Variants in MEF2A observed in about 807,000 individuals in gnomAD.
MEF2A encodes the protein myocyte enhancer factor 2A.
MEF2A carries 28 observed loss-of-function variants against 55.8 expected under a neutral mutation model. That is an observed-to-expected ratio of 0.50 (90% CI 0.37 to 0.69). MEF2A has a LOEUF of 0.69. Ranked by LOEUF, MEF2A falls within the 30% of genes least tolerant of loss-of-function variation. The pLI is 0.00. For synonymous variants in MEF2A, 239 were observed against 227.1 expected (o/e 1.05, Z -0.47); for missense variants, 528 against 626.2 (o/e 0.84, Z 1.67).
intron 2 of MEF2A, among the ~76,000 whole-genome samples, chr15:99,613,726 AT>A (rs1440497828): frequency 3.9e-5 from 6 of 152,204 alleles, no homozygotes; most frequent in Non-Finnish European, 8.8e-5. Flanking sequence ...GAACTCTTAA[AT>A]TAGCTGATAA....
intron 2 of MEF2A, among the ~76,000 whole-genome samples, chr15:99,600,887 A>T (rs1347323655): frequency 1.3e-5 from 2 of 152,024 alleles, no homozygotes; most frequent in Non-Finnish European, 2.9e-5. Flanking sequence ...GATCCTTTTT[A>T]TTTCTTTCTA....
chr15:99,629,765 C>G (rs1440663488), intron 2 of MEF2A, among the ~76,000 whole-genome samples: 2 of 152,060 alleles, frequency 1.3e-5, no homozygotes, highest in African/African-American at 2.4e-5. Flanking sequence ...ACAGTGAAAC[C>G]CTGTCTCTAC....
chr15:99,682,057 T>G (rs1293528795), intron 7 of MEF2A, among the ~76,000 whole-genome samples: 1 of 152,224 alleles, frequency 6.6e-6, no homozygotes, highest in Non-Finnish European at 1.5e-5. Flanking sequence ...CCTTTGAAGT[T>G]TGCACATCAG....
At position 99,671,396 on chromosome 15, in the gene MEF2A, C is replaced by G. The variant is rs572962323; in HGVS notation, c.332C>G (p.Ser111Trp). 3 of 1,613,804 alleles carry G rather than the reference C, an allele frequency of 1.9e-6. No individual in the cohort carries two copies. The highest frequency in any genetic ancestry group is 1.7e-6 in the Non-Finnish European group (2 of 1,179,746). Residue 111 changes from serine (S) to tryptophan (W), a missense_variant, in exon 5 of 12, where the codon TCG (serine) becomes TGG (tryptophan). Physicochemically the swap from Ser to Trp is radical, Grantham distance 177. Around this residue, in one of 2 missense-constraint regions of MEF2A, gnomAD observed 78 missense variants for 150.9 expected, o/e 0.52. Transcript: ENST00000557942. Reference sequence around the variant, plus strand: ...GATTACTTTGAGCACAGTCCACTCTCGGAGGACAGATTCAGCAAACTAAAT... The same window carrying G: ...GATTACTTTGAGCACAGTCCACTCTGGGAGGACAGATTCAGCAAACTAAAT... ...ADDYFEHSPL[S>W]EDRFSKLNED...
At chr15:99,650,837 C>G (rs2153513489) in intron 4 of MEF2A, among the ~76,000 whole-genome samples, 1 of 152,322 alleles carries the variant, frequency 6.6e-6, no homozygotes, top group South Asian at 2.1e-4. Context: ...CCTAGAAATG[C>G]AAGTTCTTGG....
At chr15:99,664,498 T>C (rs968810808) in intron 4 of MEF2A, among the ~76,000 whole-genome samples, 1 of 151,928 alleles carries the variant, frequency 6.6e-6, no homozygotes, top group African/African-American at 2.4e-5. Flanking sequence ...AAATTCAAAA[T>C]GATATTGAGG....
intron 2 of MEF2A, among the ~76,000 whole-genome samples, chr15:99,626,200 G>T (rs984109964): frequency 2.6e-5 from 4 of 152,004 alleles, no homozygotes; most frequent in Non-Finnish European, 4.4e-5. Flanking sequence ...GAAGCCTTTT[G>T]TGTTTCTAGG....
chr15:99,615,041 AT>A (rs1048956389), intron 2 of MEF2A, among the ~76,000 whole-genome samples: 1 of 152,164 alleles, frequency 6.6e-6, no homozygotes, highest in African/African-American at 2.4e-5. Context: ...AAATGAGGAA[AT>A]TGCACTGGAG....
intron 2 of MEF2A, among the ~76,000 whole-genome samples, chr15:99,603,364 G>A (rs1973963856): frequency 6.8e-6 from 1 of 147,114 alleles, no homozygotes; most frequent in African/African-American, 2.5e-5. Context: ...GGTGGTCTGT[G>A]TTAGTAAAAT....
In MEF2A at chr15:99,706,720, A is replaced by G. The variant is rs577547547; in HGVS notation, c.883-9A>G. The G allele has an allele frequency of 2.1e-4, 346 of 1,612,060 alleles. 1 individual carries two copies. The East Asian group carries it at 6.7e-3, about 31-fold the overall frequency. On this transcript the variant is annotated splice_polypyrimidine_tract_variant and intron_variant, in intron 9 of 11. Coordinates refer to ENST00000557942, the MANE Select transcript of MEF2A (RefSeq NM_001319206.4). Reference sequence around the variant, plus strand: ...ATCAGAACACATTTTCTCTTTTTTGATCTCACAGAATACCCAGAGGATCAG... The same window carrying G: ...ATCAGAACACATTTTCTCTTTTTTGGTCTCACAGAATACCCAGAGGATCAG...
chr15:99,659,169 A>T (rs912888120), intron 4 of MEF2A, among the ~76,000 whole-genome samples: 14 of 152,100 alleles, frequency 9.2e-5, no homozygotes, highest in African/African-American at 2.9e-4. Context: ...ACGTGTGGAG[A>T]TCTAGAACAG....
chr15:99,700,187 TACACAC>T (rs1234666173), intron 8 of MEF2A, among the ~76,000 whole-genome samples: 3 of 112,294 alleles, frequency 2.7e-5, no homozygotes, highest in African/African-American at 1.1e-4. Flanking sequence ...TGTGTATATA[TACACAC>T]ACACACACAC....
At chr15:99,574,214 T>G (rs769622764) in intron 1 of MEF2A, among the ~76,000 whole-genome samples, 7 of 152,184 alleles carry the variant, frequency 4.6e-5, no homozygotes, top group Non-Finnish European at 1.0e-4. Flanking sequence ...GGGTACAAAG[T>G]CTGGAAACAG....
intron 1 of MEF2A, among the ~76,000 whole-genome samples, chr15:99,587,808 ACTT>A (rs1203001748): frequency 6.6e-6 from 1 of 151,986 alleles, no homozygotes; most frequent in African/African-American, 2.4e-5. Context: ...TGCAAACTCC[ACTT>A]CTTAGTTCCA....
Position 99,566,000 on chromosome 15 carries a change from C to G in MEF2A, c.-329C>G, listed in dbSNP as rs949075446. 1 of 152,306 alleles carries G rather than the reference C, an allele frequency of 6.6e-6. No individual in the cohort carries two copies. The highest frequency in any genetic ancestry group is 2.4e-5 in the African/African-American group (1 of 41,438). The allele number at this position is 152,306 out of a possible 1,614,324, so 9.4% of individuals were successfully genotyped here. On this transcript the variant is annotated 5_prime_UTR_variant, in exon 1 of 12. Coordinates refer to ENST00000557942, the MANE Select transcript of MEF2A (RefSeq NM_001319206.4). Reference sequence around the variant, plus strand: ...GGTGTGGGGATCCGTGCGCGGATGTCCCGGCGAGTCCCGGGCTGAAAGAGG... The same window carrying G: ...GGTGTGGGGATCCGTGCGCGGATGTGCCGGCGAGTCCCGGGCTGAAAGAGG...
intron 7 of MEF2A, among the ~76,000 whole-genome samples, chr15:99,689,496 T>C (rs1380028194): frequency 6.6e-6 from 1 of 152,158 alleles, no homozygotes; most frequent in East Asian, 1.9e-4. Flanking sequence ...TGTTTGTTTC[T>C]TTGAGACACA....
chr15:99,603,331 G>A (rs1389153329), intron 2 of MEF2A, among the ~76,000 whole-genome samples: 1 of 150,750 alleles, frequency 6.6e-6, no homozygotes, highest in Non-Finnish European at 1.5e-5. Context: ...AACTTGTGGA[G>A]ATTTATTATA....
chr15:99,680,281 T>A (rs2052991033), intron 7 of MEF2A, among the ~76,000 whole-genome samples: 2 of 152,200 alleles, frequency 1.3e-5, no homozygotes, highest in African/African-American at 4.8e-5. Context: ...GAAACCTAAC[T>A]AGTATTTTAA....
intron 2 of MEF2A, among the ~76,000 whole-genome samples, chr15:99,612,243 G>A (rs1175509264): frequency 6.6e-6 from 1 of 152,034 alleles, no homozygotes. Flanking sequence ...GTGAAACCCT[G>A]TTTCTACTAA....
Sources: gnomAD v4.1 joint callset for allele counts (sites outside exome capture counted in the v4.1 genomes callset) on GRCh38, gnomAD v4.1.1 for gene constraint, gnomAD v4.1.1 regional missense constraint, MANE v1.5 for transcripts, NCBI Gene and HGNC (gene_info 2026-07-23, HGNC 2026-07-21) for gene names.